LHX4: variants seen among roughly 807,000 people sequenced by gnomAD.
The protein encoded by LHX4 is LIM homeobox 4.
LHX4 carries 16 observed loss-of-function variants against 39.2 expected under a neutral mutation model. The observed-to-expected ratio is 0.41, with a 90% confidence interval of 0.28 to 0.62. The LOEUF is 0.62. Ranked by LOEUF, LHX4 falls within the 20% of genes least tolerant of loss-of-function variation. LHX4 has a pLI of 0.33. For missense variants in LHX4, 439 were observed against 511.9 expected, an observed-to-expected ratio of 0.86 and a Z score of 1.37; for synonymous variants, 206 against 198.1, an observed-to-expected ratio of 1.04 and a Z score of -0.33.
chr1:180,243,842 G>A (rs1483409661), intron 1 of LHX4, among the ~76,000 whole-genome samples: 1 of 152,112 alleles, frequency 6.6e-6, no homozygotes, highest in East Asian at 1.9e-4. Flanking sequence ...CCTTGTTGCT[G>A]TACATGGAAT....
At chr1:180,242,496 G>A (rs781322840) in intron 1 of LHX4, among the ~76,000 whole-genome samples, 1 of 151,964 alleles carries the variant, frequency 6.6e-6, no homozygotes, top group Non-Finnish European at 1.5e-5. Context: ...ATATATCTGT[G>A]TGTATATATA....
rs951405837 is a variant in LHX4 at position 180,271,447 on chromosome 1, G to A, written c.519G>A (p.Lys173=). The A allele has an allele frequency of 6.2e-7, 1 of 1,614,064 alleles. No individual in the cohort carries two copies. Among genetic ancestry groups the A allele is most frequent in the Non-Finnish European group, 8.5e-7 (1 of 1,180,038 alleles). The change falls in exon 4 of 6, where the codon AAG becomes AAA. Residue 173 remains lysine, a synonymous_variant. Transcript: ENST00000263726. ...TITAKQLETL[K]NAYKNSPKPA... The stretch of plus-strand genomic sequence containing the variant: ...CAGCCAAGCAGCTGGAGACATTAAA[G>A]AATGCATACAAGAACTCCCCCAAGC...
At chr1:180,263,771 C>T (rs1648203808) in intron 2 of LHX4, among the ~76,000 whole-genome samples, 1 of 152,164 alleles carries the variant, frequency 6.6e-6, no homozygotes, top group Non-Finnish European at 1.5e-5. Flanking sequence ...CCTCCGGTGA[C>T]TGAAAGCCCC....
intron 3 of LHX4, chr1:180,269,745 C>A (rs1220194686): frequency 6.6e-6 from 1 of 152,216 alleles, no homozygotes; most frequent in Non-Finnish European, 1.5e-5. Context: ...TTGCATCAGA[C>A]ACTCCCGTGT....
chr1:180,232,659 C>T lies in LHX4; in HGVS notation c.76+2054C>T, dbSNP rs1212032310. ...TGAGGGGCCCACTCCCTGAAGACTT[C>T]TGGATCCAGCTTTTATTTCCTCTTG... On this transcript the variant is annotated intron_variant, in intron 1 of 5. Coordinates refer to ENST00000263726, the MANE Select transcript of LHX4 (RefSeq NM_033343.4). This position sits in a 1 kb window ranked among gnomAD's most constrained non-coding sequence, Gnocchi z 5.4. Among the ~76,000 whole-genome samples, 1 of 152,370 alleles carries T rather than the reference C, an allele frequency of 6.6e-6. No homozygotes were observed. Among genetic ancestry groups the T allele is most frequent in the Middle Eastern group, 3.4e-3 (1 of 294 alleles).
In LHX4 at chr1:180,271,927, G is replaced by A. The variant is rs776818518; in HGVS notation, c.699G>A (p.Arg233=). The change falls in exon 5 of 6, where the codon AGG becomes AGA. Residue 233 remains arginine, a synonymous_variant. Transcript: ENST00000263726. The part of the protein sequence containing the change: ...RWGQFYKSVK[R]SRGSSKQEKE... Reference sequence around the variant, plus strand: ...GGCAGTTCTATAAGAGCGTCAAGAGGAGCCGGGGCAGCAGCAAGCAGGAGA... The same window carrying A: ...GGCAGTTCTATAAGAGCGTCAAGAGAAGCCGGGGCAGCAGCAAGCAGGAGA... 6.2e-7 allele frequency: 1 copy of A among 1,613,502 alleles called. No individual in the cohort carries two copies. The highest frequency in any genetic ancestry group is 1.1e-5 in the South Asian group (1 of 91,052).
rs1456386864 is a variant in LHX4, at chr1:180,276,396, T to G, written c.*1817T>G. Reference sequence around the variant, plus strand: ...TTCCGGGATCAGCCTTCGGGCCCTCTTCTCTGACCAATTTTATAGCGTACC... The same window carrying G: ...TTCCGGGATCAGCCTTCGGGCCCTCGTCTCTGACCAATTTTATAGCGTACC... On this transcript the variant is annotated 3_prime_UTR_variant, in exon 6 of 6. Coordinates refer to ENST00000263726, the MANE Select transcript of LHX4 (RefSeq NM_033343.4). The G allele has an allele frequency of 6.6e-6, 1 of 152,254 alleles. No individual in the cohort carries two copies. The highest frequency in any genetic ancestry group is 1.5e-5 in the Non-Finnish European group (1 of 68,056). 9.4% of individuals were successfully genotyped at this position (152,254 alleles called of 1,614,324 possible). A position where few individuals can be genotyped will look rare whatever the true frequency, so the allele number is the denominator to read the frequency against.
upstream of LHX4, among the ~76,000 whole-genome samples, chr1:180,229,321 G>T (rs1332666563): frequency 6.6e-6 from 1 of 152,194 alleles, no homozygotes. Context: ...TGGTGGCAGG[G>T]CGGCCGGGGA....
In LHX4 at chr1:180,248,361, C is replaced by T. The variant is rs1396171776; in HGVS notation, c.153C>T (p.His51=). Residue 51 remains histidine, a synonymous_variant, in exon 2 of 6, where the codon CAC becomes CAT. Coordinates refer to ENST00000263726, the MANE Select transcript of LHX4 (RefSeq NM_033343.4). ...TGAAGGTCCTGGACAGACACTGGCA[C>T]AGCTCCTGCCTCAAGTGTGCAGACT... ...FILKVLDRHW[H]SSCLKCADCQ... The T allele has an allele frequency of 6.2e-7, 1 of 1,614,130 alleles. No homozygotes were observed. Among genetic ancestry groups the T allele is most frequent in the East Asian group, 2.2e-5 (1 of 44,896 alleles).
At chr1:180,237,405 C>A (rs4652488) in intron 1 of LHX4, among the ~76,000 whole-genome samples, 23,621 of 152,128 alleles carry the variant, frequency 0.16, 2,104 homozygotes, top group Non-Finnish European at 0.2. Context: ...GAGGTTTTAC[C>A]TTATTTAGTC....
rs1421493049 is a variant in LHX4, at chr1:180,239,972, A to AC, written c.77-8310dup. Among the ~76,000 whole-genome samples the AC allele has an allele frequency of 2.6e-5, 4 of 152,152 alleles. No individual in the cohort carries two copies. In the East Asian group the frequency reaches 7.7e-4, roughly 29 times the overall value. ...GGAGACCCGGAAGTGGCTCCCATGG[A>AC]CCCAGCTCCTTTTCTCGAAAGGAGC... On this transcript the variant is annotated intron_variant, in intron 1 of 5. Transcript: ENST00000263726.
At chr1:180,265,679 TC>T (rs1184993598) in intron 2 of LHX4, among the ~76,000 whole-genome samples, 12 of 152,142 alleles carry the variant, frequency 7.9e-5, no homozygotes, top group African/African-American at 2.9e-4. Context: ...AGACTCCTTG[TC>T]CCGAATGCTG....
chr1:180,243,868 T>C (rs1413599113), intron 1 of LHX4, among the ~76,000 whole-genome samples: 2 of 152,176 alleles, frequency 1.3e-5, no homozygotes, highest in African/African-American at 4.8e-5. Flanking sequence ...TGAGACTCTC[T>C]CTGCCACAAT....
Position 180,248,401 on chromosome 1 carries a change from G to A in LHX4, c.193G>A (p.Ala65Thr). The A allele has an allele frequency of 6.2e-7, 1 of 1,614,256 alleles. No homozygotes were observed. The highest frequency in any genetic ancestry group is 1.1e-5 in the South Asian group (1 of 91,088). ...GTGTGCAGACTGCCAGATGCAGCTG[G>A]CGGACAGGTGCTTCTCCAGGGCTGG... ...LKCADCQMQLADRCFSRAGSV... is the reference protein window; with the variant it reads ...LKCADCQMQLTDRCFSRAGSV... The change falls in exon 2 of 6, where the codon GCG (alanine) becomes ACG (threonine). Residue 65 changes from alanine to threonine, a missense_variant. Coordinates refer to ENST00000263726, the MANE Select transcript of LHX4 (RefSeq NM_033343.4).
At chr1:180,265,090 C>A (rs541033649) in intron 2 of LHX4, among the ~76,000 whole-genome samples, 11 of 152,286 alleles carry the variant, frequency 7.2e-5, no homozygotes, top group African/African-American at 2.6e-4. Flanking sequence ...ATCTGGTATT[C>A]ATCATGATAG....
At chr1:180,236,332 A>G (rs1664318703) in intron 1 of LHX4, among the ~76,000 whole-genome samples, 1 of 152,178 alleles carries the variant, frequency 6.6e-6, no homozygotes, top group Non-Finnish European at 1.5e-5. Flanking sequence ...AGGTGTAGAC[A>G]GCCTCAAGTC....
At position 180,271,929 on chromosome 1, in the gene LHX4, G is replaced by C; in HGVS notation, c.701G>C (p.Ser234Thr). 6.2e-7 allele frequency: 1 copy of C among 1,613,504 alleles called. No individual in the cohort carries two copies. Among genetic ancestry groups the C allele is most frequent in the South Asian group, 1.1e-5 (1 of 91,056 alleles). The change falls in exon 5 of 6, where the codon AGC (serine) becomes ACC (threonine). Residue 234 changes from serine (S) to threonine (T), a missense_variant. Ser to Thr is a moderately conservative substitution (Grantham distance 58). Coordinates refer to ENST00000263726, the MANE Select transcript of LHX4 (RefSeq NM_033343.4). The part of the protein sequence containing the change: ...WGQFYKSVKR[S>T]RGSSKQEKES... ...CAGTTCTATAAGAGCGTCAAGAGGA[G>C]CCGGGGCAGCAGCAAGCAGGAGAAG...
chr1:180,248,972 C>T (rs553368458), intron 2 of LHX4, among the ~76,000 whole-genome samples: 163 of 152,288 alleles, frequency 1.1e-3, no homozygotes, highest in African/African-American at 3.6e-3. Flanking sequence ...AAGCCAGGCT[C>T]GGTCAATGTC....
At chr1:180,265,426 A>G (rs958978924) in intron 2 of LHX4, among the ~76,000 whole-genome samples, 23 of 152,208 alleles carry the variant, frequency 1.5e-4, no homozygotes, top group African/African-American at 4.8e-4. Flanking sequence ...CTCGTCTCCT[A>G]TGACCATCGG....
Sources: allele counts gnomAD v4.1 joint callset (sites outside exome capture counted in the v4.1 genomes callset), GRCh38; gene constraint gnomAD v4.1.1; non-coding constraint Gnocchi (gnomAD v3.1); transcripts MANE v1.5; gene names NCBI Gene and HGNC (gene_info 2026-07-23, HGNC 2026-07-21).